C5AR2: variants seen among roughly 807,000 people sequenced by gnomAD.
C5AR2 encodes the protein complement C5a receptor 2, also known as C5a anaphylatoxin chemotactic receptor 2.
For missense variants in C5AR2, 458 were observed against 467.5 expected (o/e 0.98, Z 0.19); for synonymous variants, 224 against 216.5 (o/e 1.03, Z -0.30).
chr19:47,341,230 C>G lies in C5AR2; in HGVS notation c.431C>G (p.Thr144Arg). 1 of 1,601,794 alleles carries G rather than the reference C, an allele frequency of 6.2e-7. No individual in the cohort carries two copies. Among genetic ancestry groups the G allele is most frequent in the African/African-American group, 1.3e-5 (1 of 75,050 alleles). ...GCTCTCGGGCCTGCCTGGTGGTCTA[C>G]GGTTCAGCGGGCGTGCGGGGTGCAG... ...FLALGPAWWS[T>R]VQRACGVQVA... The change falls in exon 2 of 2, where the codon ACG (threonine) becomes AGG (arginine). Residue 144 changes from threonine to arginine, a missense_variant. Physicochemically the swap from Thr to Arg is moderately conservative, Grantham distance 71. Coordinates refer to ENST00000595464, the MANE Select transcript of C5AR2 (RefSeq NM_001271749.2). This position sits in a 1 kb window ranked among gnomAD's most constrained non-coding sequence, Gnocchi z 4.6.
In C5AR2 at chr19:47,340,879, C is replaced by A; in HGVS notation, c.80C>A (p.Ala27Asp). The A allele has an allele frequency of 1.2e-6, 2 of 1,613,494 alleles. No homozygotes were observed. Among genetic ancestry groups the A allele is most frequent in the Non-Finnish European group, 1.7e-6 (2 of 1,179,982 alleles). ...SDRPVDCLDG[A>D]CLAIDPLRVA... Reference sequence around the variant, plus strand: ...CGCCCTGTGGACTGCCTGGATGGCGCCTGCCTGGCCATCGACCCGCTGCGC... The same window carrying A: ...CGCCCTGTGGACTGCCTGGATGGCGACTGCCTGGCCATCGACCCGCTGCGC... The change falls in exon 2 of 2, where the codon GCC (alanine) becomes GAC (aspartate). Residue 27 changes from alanine (A) to aspartate (D), a missense_variant. Physicochemically the swap from Ala to Asp is moderately radical, Grantham distance 126. Transcript: ENST00000595464.
In C5AR2 at chr19:47,340,803, G is replaced by A. The variant is rs1254475931; in HGVS notation, c.4G>A (p.Gly2Arg). 1.2e-6 allele frequency: 2 copies of A among 1,613,326 alleles called. No homozygotes were observed. Among genetic ancestry groups the A allele is most frequent in the Admixed American group, 1.7e-5 (1 of 60,014 alleles). Reference protein sequence around the residue: MGNDSVSYEYGD... With the variant: MRNDSVSYEYGD... ...TGCCCAGACACCAGGAGCCTGAATG[G>A]GGAACGATTCTGTCAGCTACGAGTA... The change falls in exon 2 of 2, where the codon GGG becomes AGG. Residue 2 changes from glycine to arginine, a missense_variant. By Grantham distance (125) the Gly-to-Arg change is moderately radical. Coordinates refer to ENST00000595464, the MANE Select transcript of C5AR2 (RefSeq NM_001271749.2).
intron 1 of C5AR2, among the ~76,000 whole-genome samples, chr19:47,334,381 G>T (rs2059349617): frequency 1.3e-5 from 2 of 151,690 alleles, no homozygotes; most frequent in African/African-American, 4.8e-5. Context: ...TGTAATGGCA[G>T]CACTTTTGGG....
chr19:47,346,040 C>G lies in C5AR2; in HGVS notation c.*4227C>G, dbSNP rs1969114684. On this transcript the variant is annotated 3_prime_UTR_variant, in exon 2 of 2. Coordinates refer to ENST00000595464, the MANE Select transcript of C5AR2 (RefSeq NM_001271749.2). ...TAGCTGGGACTACAGGCGCATGCCA[C>G]CATGCCCAGCTAATATTTTTGTATT... The G allele has an allele frequency of 6.6e-6, 1 of 152,130 alleles. No homozygotes were observed. Among genetic ancestry groups the G allele is most frequent in the Non-Finnish European group, 1.5e-5 (1 of 68,040 alleles). 9.4% of individuals were successfully genotyped at this position (152,130 alleles called of 1,614,324 possible). A position where few individuals can be genotyped will look rare whatever the true frequency, so the allele number is the denominator to read the frequency against.
chr19:47,337,836 C>G lies in C5AR2; in HGVS notation c.-15-2949C>G, dbSNP rs534267053. ...CTGTAATCCTAGCACTTTGGGAGGC[C>G]GTGGCAGGCAGACCACTTGAGGTCA... is the stretch of plus-strand genomic sequence containing the variant. On this transcript the variant is annotated intron_variant, in intron 1 of 1. Coordinates refer to ENST00000595464, the MANE Select transcript of C5AR2 (RefSeq NM_001271749.2). Among the ~76,000 whole-genome samples, 8 of 151,936 alleles carry G rather than the reference C, an allele frequency of 5.3e-5. No homozygotes were observed. In the South Asian group the frequency reaches 1.5e-3, roughly 28 times the overall value.
chr19:47,332,520 T>G (rs2059343552), intron 1 of C5AR2, among the ~76,000 whole-genome samples, 171 bp downstream of exon 1: 2 of 152,192 alleles, frequency 1.3e-5, no homozygotes, highest in Non-Finnish European at 2.9e-5. Flanking sequence ...TTGAATTAAC[T>G]TGGGCAGCCC....
chr19:47,332,774 G>C (rs915365589), intron 1 of C5AR2, among the ~76,000 whole-genome samples: 6 of 151,516 alleles, frequency 4.0e-5, no homozygotes, highest in African/African-American at 7.3e-5. Context: ...GGCTGGTCTC[G>C]AACTCCCGAC....
rs1365547850 is a variant in C5AR2, at chr19:47,346,848, C to T, written c.*5035C>T. The stretch of plus-strand genomic sequence containing the variant: ...GCCAAGAACCCTCGTGGGCTAAAAC[C>T]CCGCTTTGGGGCTTAAAGTTTGCAA... On this transcript the variant is annotated 3_prime_UTR_variant, in exon 2 of 2. Transcript: ENST00000595464. The T allele has an allele frequency of 6.6e-6, 1 of 152,210 alleles. No homozygotes were observed. The highest frequency in any genetic ancestry group is 2.4e-5 in the African/African-American group (1 of 41,462). The allele number at this position is 152,210 out of a possible 1,614,324, so 9.4% of individuals were successfully genotyped here.
At chr19:47,334,972 C>T (rs1247434389) in intron 1 of C5AR2, among the ~76,000 whole-genome samples, 1 of 151,920 alleles carries the variant, frequency 6.6e-6, no homozygotes, top group African/African-American at 2.4e-5. Flanking sequence ...GCAACCTCCA[C>T]CTCCCAGCTT....
rs753008386 is a variant in C5AR2, at chr19:47,341,124, G to A, written c.325G>A (p.Ala109Thr). The A allele has an allele frequency of 6.2e-7, 1 of 1,602,832 alleles. No individual in the cohort carries two copies. The highest frequency in any genetic ancestry group is 8.5e-7 in the Non-Finnish European group (1 of 1,179,890). Residue 109 changes from alanine (A) to threonine (T), a missense_variant, in exon 2 of 2, where the codon GCG becomes ACG. Coordinates refer to ENST00000595464, the MANE Select transcript of C5AR2 (RefSeq NM_001271749.2). This position sits in a 1 kb window ranked among gnomAD's most constrained non-coding sequence, Gnocchi z 4.6. Reference protein sequence around the residue: ...HWPYGAVGCRALPSIILLTMY... With the variant: ...HWPYGAVGCRTLPSIILLTMY... ...GCCGTATGGTGCAGTGGGCTGTCGG[G>A]CGCTGCCCTCCATCATCCTGCTGAC...
chr19:47,334,800 C>A (rs954985228), intron 1 of C5AR2, among the ~76,000 whole-genome samples: 2 of 152,042 alleles, frequency 1.3e-5, no homozygotes, highest in African/African-American at 2.4e-5. Flanking sequence ...CTCACTGCAG[C>A]CTTGACCTCA....
Position 47,341,023 on chromosome 19 carries a change from A to C in C5AR2, c.224A>C (p.His75Pro). The change falls in exon 2 of 2, where the codon CAC becomes CCC. Residue 75 changes from histidine to proline, a missense_variant. Transcript: ENST00000595464. This position sits in a 1 kb window ranked among gnomAD's most constrained non-coding sequence, Gnocchi z 4.6. ...AGGGTGGGTGCCACCTGGTTGCTCC[A>C]CCTGGCCGTGGCGGATTTGCTGTGC... ...RRRVGATWLL[H>P]LAVADLLCCL... 1.9e-6 allele frequency: 3 copies of C among 1,608,472 alleles called. No homozygotes were observed. Among genetic ancestry groups the C allele is most frequent in the Non-Finnish European group, 2.5e-6 (3 of 1,179,912 alleles).
chr19:47,341,594 C>G lies in C5AR2; in HGVS notation c.795C>G (p.Leu265=), dbSNP rs1969034713. The change falls in exon 2 of 2, where the codon CTC becomes CTG. Residue 265 remains leucine (L), a synonymous_variant. Transcript: ENST00000595464. This position sits in a 1 kb window ranked among gnomAD's most constrained non-coding sequence, Gnocchi z 4.6. ...CTGTGGCGGCCCCGAACTCCGCACT[C>G]CTGGCCAGGGCCCTGCGGGCTGAAC... ...VLTVAAPNSA[L]LARALRAEPL... 1.2e-6 allele frequency: 2 copies of G among 1,613,894 alleles called. No individual in the cohort carries two copies. Among genetic ancestry groups the G allele is most frequent in the African/African-American group, 1.3e-5 (1 of 75,068 alleles).
intron 1 of C5AR2, among the ~76,000 whole-genome samples, chr19:47,333,949 C>T (rs568447926): frequency 6.6e-6 from 1 of 152,218 alleles, no homozygotes; most frequent in South Asian, 2.1e-4. Flanking sequence ...CACAGACAGG[C>T]GTGCACCAAG....
Position 47,341,840 on chromosome 19 carries a change from C to T in C5AR2, c.*27C>T, listed in dbSNP as rs773350738. On this transcript the variant is annotated 3_prime_UTR_variant, in exon 2 of 2. Coordinates refer to ENST00000595464, the MANE Select transcript of C5AR2 (RefSeq NM_001271749.2). This position sits in a 1 kb window ranked among gnomAD's most constrained non-coding sequence, Gnocchi z 4.6. The stretch of plus-strand genomic sequence containing the variant: ...CTGGAGAGACATTGTGGGTGTGTAT[C>T]TTCTTATCTCATTTCACAAGACTGG... The T allele has an allele frequency of 1.3e-5, 21 of 1,597,908 alleles. No homozygotes were observed. Among genetic ancestry groups the T allele is most frequent in the Non-Finnish European group, 1.8e-5 (21 of 1,168,068 alleles).
In C5AR2 at chr19:47,347,319, T is replaced by A. The variant is rs1023190463; in HGVS notation, c.*5506T>A. 5.5e-5 allele frequency: 7 copies of A among 127,062 alleles called. No homozygotes were observed. The East Asian group carries it at 1.4e-3, about 26-fold the overall frequency. The allele number at this position is 127,062 out of a possible 1,614,324, so 7.9% of individuals were successfully genotyped here. On this transcript the variant is annotated 3_prime_UTR_variant, in exon 2 of 2. Coordinates refer to ENST00000595464, the MANE Select transcript of C5AR2 (RefSeq NM_001271749.2). ...CCTTTTTTAAAAATTATAATTATTG[T>A]TTGGATTATTTATTTATTTATTTAT... is the stretch of plus-strand genomic sequence containing the variant.
chr19:47,335,268 G>A (rs932238855), intron 1 of C5AR2, among the ~76,000 whole-genome samples: 1 of 151,924 alleles, frequency 6.6e-6, no homozygotes, highest in Non-Finnish European at 1.5e-5. Context: ...GGCAGACAGT[G>A]GACTGTTTTT....
rs750572194 is a variant in C5AR2, at chr19:47,341,022, C to T, written c.223C>T (p.His75Tyr). The T allele has an allele frequency of 3.9e-5, 63 of 1,608,656 alleles. No homozygotes were observed. The highest frequency in any genetic ancestry group is 1.6e-4 in the Middle Eastern group (1 of 6,062). Reference protein sequence around the residue: ...RRRVGATWLLHLAVADLLCCL... With the variant: ...RRRVGATWLLYLAVADLLCCL... ...GAGGGTGGGTGCCACCTGGTTGCTC[C>T]ACCTGGCCGTGGCGGATTTGCTGTG... is the stretch of plus-strand genomic sequence containing the variant. The change falls in exon 2 of 2, where the codon CAC becomes TAC. Residue 75 changes from histidine (H) to tyrosine (Y), a missense_variant. By Grantham distance (83) the His-to-Tyr change is moderately conservative (BLOSUM62 2). Transcript: ENST00000595464. The surrounding 1 kb of genome is among the most constrained non-coding windows in gnomAD (Gnocchi z 4.6).
At chr19:47,338,652 TC>T (rs2059368805) in intron 1 of C5AR2, among the ~76,000 whole-genome samples, 1 of 37,886 alleles carries the variant, frequency 2.6e-5, no homozygotes, top group Non-Finnish European at 5.5e-5. Context: ...CCAGATGACC[TC>T]CAAAATAATA....
Sources: allele counts gnomAD v4.1 joint callset (sites outside exome capture counted in the v4.1 genomes callset), GRCh38; gene constraint gnomAD v4.1.1; non-coding constraint Gnocchi (gnomAD v3.1); transcripts MANE v1.5; gene names NCBI Gene and HGNC (gene_info 2026-07-23, HGNC 2026-07-21).